The following RNF216 variants were observed in gnomAD, a reference collection of about 807,000 sequenced individuals.
RNF216 encodes the protein E3 ubiquitin-protein ligase RNF216.
RNF216 carries 72 observed loss-of-function variants against 110.8 expected under a neutral mutation model. That is an observed-to-expected ratio of 0.65 (90% CI 0.54 to 0.79). The LOEUF is 0.79. Among genes scored for constraint, RNF216 ranks in the 30% least tolerant of loss-of-function variants. RNF216 has a pLI of 0.00. For missense variants in RNF216, 1,342 were observed against 1,141.2 expected, an observed-to-expected ratio of 1.18 and a Z score of -2.54; for synonymous variants, 495 against 407.5, an observed-to-expected ratio of 1.21 and a Z score of -2.59.
intron 15 of RNF216, among the ~76,000 whole-genome samples, chr7:5,631,495 T>C (rs190676652): frequency 6.6e-6 from 1 of 152,210 alleles, no homozygotes; most frequent in African/African-American, 2.4e-5. Flanking sequence ...TGTTCTCAGC[T>C]CACTGGTTTT....
In RNF216 at chr7:5,741,181, G is replaced by C; in HGVS notation, c.836C>G (p.Pro279Arg). The change falls in exon 4 of 17, where the codon CCC becomes CGC. Residue 279 changes from proline to arginine, a missense_variant. Physicochemically the swap from Pro to Arg is moderately radical, Grantham distance 103. Transcript: ENST00000389902. ...GGGGCCTGAAATCCCACCTTGCTGGGGTTCCGGCCTTGGAAAAGCGGGCCC... is the reference window on the plus strand; with the variant it reads ...GGGGCCTGAAATCCCACCTTGCTGGCGTTCCGGCCTTGGAAAAGCGGGCCC... ...FPGPAFPRPE[P>R]QQGGISGPSS... is the part of the protein sequence containing the mutation. The C allele has an allele frequency of 6.2e-7, 1 of 1,614,126 alleles. No individual in the cohort carries two copies. The highest frequency in any genetic ancestry group is 2.2e-5 in the East Asian group (1 of 44,878).
At chr7:5,778,846 T>G (rs1326319998) in intron 1 of RNF216, among the ~76,000 whole-genome samples, 3 of 152,234 alleles carry the variant, frequency 2.0e-5, no homozygotes, top group African/African-American at 7.2e-5. Flanking sequence ...CGAGTTCATG[T>G]GATTCTCCTG....
intron 5 of RNF216, among the ~76,000 whole-genome samples, chr7:5,732,765 C>A (rs561483601): frequency 6.6e-6 from 1 of 152,210 alleles, no homozygotes; most frequent in African/African-American, 2.4e-5. Flanking sequence ...GGAAGCCTGT[C>A]GGACTTCAAT....
At chr7:5,708,227 G>C (rs1008390992) in intron 13 of RNF216, among the ~76,000 whole-genome samples, 1 of 152,250 alleles carries the variant, frequency 6.6e-6, no homozygotes, top group African/African-American at 2.4e-5. Flanking sequence ...CTGTTGGCTA[G>C]AATATTTTGT....
chr7:5,698,959 TG>T (rs1200534706), intron 13 of RNF216, among the ~76,000 whole-genome samples: 34 of 152,266 alleles, frequency 2.2e-4, no homozygotes, highest in African/African-American at 7.5e-4. Flanking sequence ...AAGAGTGAAC[TG>T]GAAAGCAGCA....
intron 15 of RNF216, among the ~76,000 whole-genome samples, chr7:5,631,841 T>G (rs1787090683): frequency 6.6e-6 from 1 of 152,176 alleles, no homozygotes; most frequent in South Asian, 2.1e-4. Flanking sequence ...CACTTCACTG[T>G]CAAGCCCACT....
At chr7:5,671,100 G>A (rs1217133101) in intron 13 of RNF216, among the ~76,000 whole-genome samples, 1 of 152,208 alleles carries the variant, frequency 6.6e-6, no homozygotes, top group African/African-American at 2.4e-5. Flanking sequence ...TGGACAACAG[G>A]ATAAAACCTC....
intron 13 of RNF216, among the ~76,000 whole-genome samples, chr7:5,674,462 T>C (rs1429534211): frequency 6.9e-6 from 1 of 145,838 alleles, no homozygotes; most frequent in Non-Finnish European, 1.5e-5. Context: ...CAGCCCTACA[T>C]CTCTTAAAAA....
chr7:5,753,265 T>G (rs11980653), intron 2 of RNF216, among the ~76,000 whole-genome samples: 11,617 of 152,256 alleles, frequency 0.076, 1,457 homozygotes, highest in African/African-American at 0.26. Flanking sequence ...AAAATTTTCT[T>G]GACTGCCAAT....
chr7:5,647,818 A>C (rs1394646904), intron 14 of RNF216, among the ~76,000 whole-genome samples: 2 of 152,130 alleles, frequency 1.3e-5, no homozygotes, highest in African/African-American at 2.4e-5. Context: ...TCCATTTATA[A>C]TACTACAAAC....
intron 12 of RNF216, among the ~76,000 whole-genome samples, chr7:5,712,337 G>A (rs2128629913): frequency 6.6e-6 from 1 of 152,288 alleles, no homozygotes; most frequent in South Asian, 2.1e-4. Context: ...CTGGAATGTG[G>A]TGGTGCACGC....
intron 13 of RNF216, among the ~76,000 whole-genome samples, chr7:5,684,094 CTTTTTTTTTTTTTTT>C (rs10608511): frequency 3.4e-4 from 21 of 61,836 alleles, no homozygotes; most frequent in Non-Finnish European, 4.5e-4. Context: ...GCTGGGCCTT[CTTTTTTTTTTTTTTT>C]TTTTTTTTTT....
chr7:5,725,932 CGGTGGTGGA>C (rs1562433914), intron 7 of RNF216, among the ~76,000 whole-genome samples: 1 of 151,198 alleles, frequency 6.6e-6, no homozygotes, highest in African/African-American at 2.4e-5. Context: ...TAAACTGGTA[CGGTGGTGGA>C]AGCAAAACAC....
intron 2 of RNF216, among the ~76,000 whole-genome samples, chr7:5,756,991 G>C (rs559244544): frequency 9.9e-5 from 15 of 152,202 alleles, no homozygotes; most frequent in African/African-American, 3.6e-4. Context: ...CTCAAAACAT[G>C]GCATTACATG....
At chr7:5,630,068 G>A (rs1377701176) in intron 15 of RNF216, among the ~76,000 whole-genome samples, 2 of 152,010 alleles carry the variant, frequency 1.3e-5, no homozygotes, top group Admixed American at 1.3e-4. Flanking sequence ...CTAGGCTGCT[G>A]GGAGAGGGGA....
chr7:5,709,871 C>T (rs1792554247), intron 13 of RNF216, among the ~76,000 whole-genome samples: 1 of 152,196 alleles, frequency 6.6e-6, no homozygotes, highest in Non-Finnish European at 1.5e-5. Context: ...TGTCCTGCCT[C>T]AGTCTCTTAA....
chr7:5,719,941 C>T (rs926929692), intron 9 of RNF216, among the ~76,000 whole-genome samples: 19 of 152,144 alleles, frequency 1.2e-4, no homozygotes, highest in Non-Finnish European at 2.5e-4. Flanking sequence ...TTTTATTACA[C>T]AGAATATTGA....
At chr7:5,739,185 T>C (rs1794611682) in intron 5 of RNF216, 91 bp downstream of exon 5, 2 of 1,354,212 alleles carry the variant, frequency 1.5e-6, no homozygotes, top group East Asian at 5.4e-5. Context: ...CCAAATTGTA[T>C]ATTTAAAAAT....
chr7:5,702,931 G>T (rs1439211450), intron 13 of RNF216, among the ~76,000 whole-genome samples: 1 of 152,044 alleles, frequency 6.6e-6, no homozygotes, highest in African/African-American at 2.4e-5. Flanking sequence ...TATTTTGTAG[G>T]GCTGCTGTGG....
Sources: gnomAD v4.1 joint callset for allele counts (sites outside exome capture counted in the v4.1 genomes callset) on GRCh38, gnomAD v4.1.1 for gene constraint, MANE v1.5 for transcripts, NCBI Gene and HGNC (gene_info 2026-07-23, HGNC 2026-07-21) for gene names.